RHOBTB1: variants seen among roughly 807,000 people sequenced by gnomAD.
RHOBTB1 encodes the protein rho-related BTB domain-containing protein 1.
A neutral mutation model predicts 71.6 loss-of-function variants in RHOBTB1; 40 were observed. The ratio of observed to expected loss-of-function variants is 0.56; its 90% confidence interval spans 0.43 to 0.73. RHOBTB1 has a LOEUF of 0.73. Among genes scored for constraint, RHOBTB1 ranks in the 30% least tolerant of loss-of-function variants. The pLI is 0.00. For synonymous variants in RHOBTB1, 319 were observed against 334.9 expected (o/e 0.95, Z 0.52); for missense variants, 797 against 894.0 (o/e 0.89, Z 1.38).
chr10:60,976,928 C>A (rs923712674), intron 2 of RHOBTB1, among the ~76,000 whole-genome samples: 2 of 151,902 alleles, frequency 1.3e-5, no homozygotes, highest in African/African-American at 4.8e-5. Context: ...ACAAGCCAAT[C>A]TTTAGACTTT....
intron 2 of RHOBTB1, among the ~76,000 whole-genome samples, chr10:60,970,019 G>C (rs935426458): frequency 6.6e-6 from 1 of 151,994 alleles, no homozygotes; most frequent in Non-Finnish European, 1.5e-5. Flanking sequence ...CACATAGAAG[G>C]CCAACTGGGT....
At position 60,943,817 on chromosome 10, in the gene RHOBTB1, GCT is replaced by G. The variant is rs544109993; in HGVS notation, c.-62+152_-62+153del. On this transcript the variant is annotated intron_variant, in intron 1 of 10. Transcript: ENST00000337910. ...AGAGGCGAGGGAGGCCCCCCTAGCG[GCT>G]CGGTCCCACAACTCTCTCTCGGGGC... 4.4e-3 allele frequency among the ~76,000 whole-genome samples: 663 copies of G among 152,138 alleles called. 2 individuals carry two copies. The highest frequency in any genetic ancestry group is 7.3e-3 in the Non-Finnish European group (498 of 67,962).
intron 2 of RHOBTB1, among the ~76,000 whole-genome samples, chr10:60,935,977 T>C (rs545131033): frequency 3.3e-5 from 5 of 152,316 alleles, no homozygotes; most frequent in African/African-American, 1.2e-4. Context: ...TGCTTTATTG[T>C]TCTAGATCTA....
chr10:60,932,698 A>T (rs1279798161), intron 2 of RHOBTB1, among the ~76,000 whole-genome samples: 1 of 152,106 alleles, frequency 6.6e-6, no homozygotes, highest in African/African-American at 2.4e-5. Flanking sequence ...TCTTTAAATT[A>T]AAAAAGATTT....
intron 2 of RHOBTB1, among the ~76,000 whole-genome samples, chr10:60,976,628 T>C (rs1437649714): frequency 6.6e-6 from 1 of 151,996 alleles, no homozygotes; most frequent in Non-Finnish European, 1.5e-5. Context: ...TAAGTAGACA[T>C]TGTCCAACAG....
chr10:60,939,240 G>C (rs568790867), intron 2 of RHOBTB1, among the ~76,000 whole-genome samples: 1 of 152,154 alleles, frequency 6.6e-6, no homozygotes, highest in Admixed American at 6.5e-5. Flanking sequence ...GAGTGTCCTG[G>C]GACATCTGGA....
intron 7 of RHOBTB1, among the ~76,000 whole-genome samples, chr10:60,885,524 C>T (rs2081528157): frequency 6.6e-6 from 1 of 152,152 alleles, no homozygotes; most frequent in South Asian, 2.1e-4. Flanking sequence ...CCTCATATCC[C>T]CTCAACACAG....
intron 1 of RHOBTB1, among the ~76,000 whole-genome samples, chr10:60,989,111 T>C (rs2086770154): frequency 6.6e-6 from 1 of 152,196 alleles, no homozygotes; most frequent in African/African-American, 2.4e-5. Flanking sequence ...GGACACCATT[T>C]TAGAAAATAT....
At chr10:60,913,391 A>T (rs2083094305) in intron 2 of RHOBTB1, among the ~76,000 whole-genome samples, 1 of 152,216 alleles carries the variant, frequency 6.6e-6, no homozygotes, top group African/African-American at 2.4e-5. Context: ...CTTATCCTGA[A>T]CATCCTGGGT....
chr10:60,973,394 G>A (rs1284945154), intron 2 of RHOBTB1, among the ~76,000 whole-genome samples: 5 of 152,050 alleles, frequency 3.3e-5, no homozygotes, highest in Non-Finnish European at 5.9e-5. Flanking sequence ...ACTGTCCATC[G>A]TCTTCTTTAA....
chr10:60,993,146 TA>T (rs1160713135), intron 1 of RHOBTB1, among the ~76,000 whole-genome samples: 1 of 152,106 alleles, frequency 6.6e-6, no homozygotes, highest in African/African-American at 2.4e-5. Flanking sequence ...AGAGGAGCTG[TA>T]AGAAAATGGA....
At chr10:60,916,399 T>A (rs867532965) in intron 2 of RHOBTB1, among the ~76,000 whole-genome samples, 1 of 152,208 alleles carries the variant, frequency 6.6e-6, no homozygotes, top group African/African-American at 2.4e-5. Context: ...AGTTTATGAA[T>A]GAGCCCAGGT....
At chr10:60,862,616 CT>C in the RHOBTB1 span, among the ~76,000 whole-genome samples, 1 of 133,440 alleles carries the variant, frequency 7.5e-6, no homozygotes, top group Admixed American at 8.0e-5. Flanking sequence ...CTTCCCTTTC[CT>C]TCCTTCCTTC....
In RHOBTB1 at chr10:60,894,407, GA is replaced by G. The variant is rs145769386; in HGVS notation, c.297-1413del. On this transcript the variant is annotated intron_variant, in intron 4 of 10. Transcript: ENST00000337910. ...GAATCATCTTGAATAAAGATATCAA[GA>G]TTTTTGGATGCTGGGATAATATGAG... is the stretch of plus-strand genomic sequence containing the variant. 8.1e-3 allele frequency among the ~76,000 whole-genome samples: 1,226 copies of G among 152,268 alleles called. 13 individuals are homozygous for G. Among genetic ancestry groups the G allele is most frequent in the African/African-American group, 0.028 (1,155 of 41,558 alleles).
intron 2 of RHOBTB1, among the ~76,000 whole-genome samples, chr10:60,959,292 G>A (rs559775384): frequency 2.6e-5 from 4 of 152,252 alleles, no homozygotes; most frequent in South Asian, 2.1e-4. Flanking sequence ...CTTGGAAAAC[G>A]GACCTACAGT....
At chr10:60,873,905 G>A (rs1440320241) in intron 9 of RHOBTB1, among the ~76,000 whole-genome samples, 1 of 152,242 alleles carries the variant, frequency 6.6e-6, no homozygotes, top group African/African-American at 2.4e-5. Flanking sequence ...GGTATTTGGG[G>A]AGAAAAATAA....
chr10:60,871,279 C>G lies in RHOBTB1; in HGVS notation c.*203G>C, dbSNP rs181436165. 5.5e-4 allele frequency: 269 copies of G among 492,886 alleles called. 1 individual carries two copies. Among genetic ancestry groups the G allele is most frequent in the Admixed American group, 2.4e-3 (63 of 26,470 alleles). The allele number at this position is 492,886 out of a possible 1,614,324, so 30.5% of individuals were successfully genotyped here. ...GTTTAAGGAATGCAGTGAGAGTCAG[C>G]TTCCCTTTTTGTCCAGGCTCATTGA... On this transcript the variant is annotated 3_prime_UTR_variant, in exon 11 of 11. Transcript: ENST00000337910.
chr10:60,886,305 G>C, intron 6 of RHOBTB1, 75 bp from the exon 7 acceptor site: 1 of 1,001,580 alleles, frequency 1.0e-6, no homozygotes, highest in Non-Finnish European at 1.6e-6. Context: ...TGCTCCCATA[G>C]CCACCAAACT....
chr10:60,890,019 T>C (rs1244587979), intron 5 of RHOBTB1, among the ~76,000 whole-genome samples: 3 of 152,198 alleles, frequency 2.0e-5, no homozygotes, highest in Non-Finnish European at 4.4e-5. Flanking sequence ...AATAGCCCTG[T>C]GAGGTATTAT....
Sources: allele counts gnomAD v4.1 joint callset (sites outside exome capture counted in the v4.1 genomes callset), GRCh38; gene constraint gnomAD v4.1.1; transcripts MANE v1.5; gene names NCBI Gene and HGNC (gene_info 2026-07-23, HGNC 2026-07-21).